Variants in TMPRSS11F observed in about 807,000 individuals in gnomAD.
The protein encoded by TMPRSS11F is transmembrane protease serine 11F.
TMPRSS11F carries 47 observed loss-of-function variants against 60.2 expected under a neutral mutation model. The ratio of observed to expected loss-of-function variants is 0.78; its 90% confidence interval spans 0.62 to 1.00. The LOEUF is 1.00. TMPRSS11F is among the 50% of genes least tolerant of loss of function. The pLI is 0.00. For synonymous variants in TMPRSS11F, 166 were observed against 167.3 expected, an observed-to-expected ratio of 0.99 and a Z score of 0.06; for missense variants, 519 against 522.9, an observed-to-expected ratio of 0.99 and a Z score of 0.07.
intron 1 of TMPRSS11F, among the ~76,000 whole-genome samples, chr4:68,108,317 A>G (rs1391437522): frequency 6.6e-6 from 1 of 152,200 alleles, no homozygotes; most frequent in Non-Finnish European, 1.5e-5. Context: ...GAAAGTAGTG[A>G]CATCATTCTC....
rs1723295803 is a variant in TMPRSS11F, at chr4:68,065,011, A to G, written c.756-67T>C. 3.4e-6 allele frequency: 5 copies of G among 1,462,988 alleles called. No individual in the cohort carries two copies. In the East Asian group the frequency reaches 9.2e-5, roughly 27 times the overall value. The allele number at this position is 1,462,988 out of a possible 1,614,324, so 90.6% of individuals were successfully genotyped here. Reference sequence around the variant, plus strand: ...ATTCTGTAAAAAAGACTGAGACTGTATTTCTTCCCAACTGTCAGTATTATG... The same window carrying G: ...ATTCTGTAAAAAAGACTGAGACTGTGTTTCTTCCCAACTGTCAGTATTATG... On this transcript the variant is annotated intron_variant, in intron 7 of 9. Transcript: ENST00000356291.
chr4:68,061,929 G>A (rs1723186845), intron 8 of TMPRSS11F: 9 of 429,798 alleles, frequency 2.1e-5, no homozygotes, highest in South Asian at 1.5e-4. Context: ...AAACATTCCT[G>A]TATGAAAACG....
chr4:68,089,805 T>C (rs1723886671), intron 3 of TMPRSS11F, among the ~76,000 whole-genome samples: 1 of 152,102 alleles, frequency 6.6e-6, no homozygotes, highest in African/African-American at 2.4e-5. Context: ...AAGCTAATCA[T>C]AAAGAATCAT....
At chr4:68,101,989 T>C (rs1039883583) in intron 1 of TMPRSS11F, among the ~76,000 whole-genome samples, 3 of 152,142 alleles carry the variant, frequency 2.0e-5, no homozygotes, top group Non-Finnish European at 4.4e-5. Flanking sequence ...ATCTCCCCAT[T>C]TAATTGCCCC....
intron 3 of TMPRSS11F, among the ~76,000 whole-genome samples, chr4:68,076,748 A>T (rs577447612): frequency 6.6e-6 from 1 of 152,350 alleles, no homozygotes; most frequent in Non-Finnish European, 1.5e-5. Context: ...TCAAGATAGC[A>T]CCAATCTTCC....
intron 3 of TMPRSS11F, among the ~76,000 whole-genome samples, chr4:68,079,016 A>G (rs1390704559): frequency 7.3e-6 from 1 of 136,490 alleles, no homozygotes; most frequent in Non-Finnish European, 1.7e-5. Flanking sequence ...TGTGATATTA[A>G]CAAACCATAG....
chr4:68,108,466 T>C (rs1449043809), intron 1 of TMPRSS11F, among the ~76,000 whole-genome samples: 2 of 152,112 alleles, frequency 1.3e-5, no homozygotes, highest in Non-Finnish European at 2.9e-5. Context: ...TTGCAAGAAT[T>C]AACTGCTGAA....
At chr4:68,100,712 C>T (rs1724175170) in intron 1 of TMPRSS11F, among the ~76,000 whole-genome samples, 1 of 152,030 alleles carries the variant, frequency 6.6e-6, no homozygotes. Context: ...TGGGTCTGAA[C>T]CAAATGAAAA....
rs138760285 is a variant in TMPRSS11F at position 68,081,690 on chromosome 4, C to G, written c.283-7681G>C. The stretch of plus-strand genomic sequence containing the variant: ...TTAGTATCTTGTTTTAATTACCAGA[C>G]TAGTCATTTTTTTTAACTTTGGCAA... On this transcript the variant is annotated intron_variant, in intron 3 of 9. Transcript: ENST00000356291. Among the ~76,000 whole-genome samples the G allele has an allele frequency of 1.1e-4, 17 of 152,206 alleles. No homozygotes were observed. The East Asian group carries it at 3.3e-3, about 29-fold the overall frequency.
chr4:68,100,733 TA>T (rs1724175552), intron 1 of TMPRSS11F, among the ~76,000 whole-genome samples: 1 of 152,190 alleles, frequency 6.6e-6, no homozygotes, highest in Non-Finnish European at 1.5e-5. Context: ...GTATCTGTTT[TA>T]CGGCCTTTCT....
At chr4:68,089,606 G>A (rs1308783626) in intron 3 of TMPRSS11F, among the ~76,000 whole-genome samples, 7 of 151,976 alleles carry the variant, frequency 4.6e-5, no homozygotes, top group Admixed American at 3.9e-4. Context: ...AAACAAAAAC[G>A]CTATTTGAAT....
At chr4:68,063,595 G>T (rs1213911787) in intron 8 of TMPRSS11F, among the ~76,000 whole-genome samples, 1 of 151,974 alleles carries the variant, frequency 6.6e-6, no homozygotes, top group Admixed American at 6.6e-5. Context: ...TGGCCAGGGT[G>T]GTCTTCATCT....
chr4:68,056,115 G>A (rs993088395), intron 9 of TMPRSS11F, among the ~76,000 whole-genome samples: 2 of 152,066 alleles, frequency 1.3e-5, no homozygotes, highest in Non-Finnish European at 2.9e-5. Context: ...TGTAAGACCA[G>A]GGACATCAAA....
rs541565452 is a variant in TMPRSS11F at position 68,100,194 on chromosome 4, G to A, written c.12-1156C>T. ...ATTTATTGTCTCAATATATGTTCAA[G>A]ATTGCAAGTCTTTCACAAGACTGCA... On this transcript the variant is annotated intron_variant, in intron 1 of 9. Coordinates refer to ENST00000356291, the MANE Select transcript of TMPRSS11F (RefSeq NM_207407.2). Among the ~76,000 whole-genome samples the A allele has an allele frequency of 4.6e-5, 7 of 152,232 alleles. No homozygotes were observed. In the East Asian group the frequency reaches 1.4e-3, roughly 29 times the overall value.
intron 2 of TMPRSS11F, among the ~76,000 whole-genome samples, chr4:68,091,783 CTATCTA>C (rs137911718): frequency 0.019 from 1,014 of 54,460 alleles, 8 homozygotes; most frequent in East Asian, 0.16. Flanking sequence ...CTCTCTCTCT[CTATCTA>C]TCTATCTATC....
chr4:68,105,607 C>G (rs2109876847), intron 1 of TMPRSS11F, among the ~76,000 whole-genome samples: 1 of 152,244 alleles, frequency 6.6e-6, no homozygotes, highest in East Asian at 1.9e-4. Flanking sequence ...CTTTCAATCC[C>G]TAAAGCAAAG....
In TMPRSS11F at chr4:68,109,486, C is replaced by T. The variant is rs562633996; in HGVS notation, c.12-10448G>A. Among the ~76,000 whole-genome samples the T allele has an allele frequency of 2.8e-4, 42 of 152,116 alleles. No individual in the cohort carries two copies. In the South Asian group the frequency reaches 8.1e-3, roughly 29 times the overall value. ...TGGATATAACGATGAAAGTACAGAT[C>T]CCTAAAAATTTTATAAGTCTGCTTC... On this transcript the variant is annotated intron_variant, in intron 1 of 9. Transcript: ENST00000356291.
chr4:68,082,168 T>A (rs1008595972), intron 3 of TMPRSS11F, among the ~76,000 whole-genome samples: 3 of 152,158 alleles, frequency 2.0e-5, no homozygotes, highest in Admixed American at 1.3e-4. Context: ...CTCCCGGCCC[T>A]GAATAGCAAC....
intron 4 of TMPRSS11F, among the ~76,000 whole-genome samples, chr4:68,073,211 T>C (rs1723516488): frequency 6.6e-6 from 1 of 152,142 alleles, no homozygotes; most frequent in South Asian, 2.1e-4. Flanking sequence ...GAAATAAACC[T>C]TTACTATATT....
Sources: gnomAD v4.1 joint callset for allele counts (sites outside exome capture counted in the v4.1 genomes callset) on GRCh38, gnomAD v4.1.1 for gene constraint, MANE v1.5 for transcripts, NCBI Gene and HGNC (gene_info 2026-07-23, HGNC 2026-07-21) for gene names.